Variants in UGT1A9 observed in about 807,000 individuals in gnomAD.
UGT1A9 encodes UDP-glucuronosyltransferase 1A9.
In UGT1A9, 35 loss-of-function variants were observed where a neutral mutation model predicts 45.0. That is an observed-to-expected ratio of 0.78 (90% CI 0.59 to 1.03). The LOEUF (loss-of-function observed/expected upper bound fraction) is 1.03, where lower values mean the gene tolerates loss of function less well. Ranked by LOEUF, UGT1A9 falls within the 50% of genes least tolerant of loss-of-function variation. UGT1A9 has a pLI of 0.00. For missense variants in UGT1A9, 687 were observed against 666.6 expected (o/e 1.03, Z -0.34); for synonymous variants, 278 against 250.6 (o/e 1.11, Z -1.03).
At position 233,694,026 on chromosome 2, in the gene UGT1A9, T is replaced by G. The variant is rs45617840; in HGVS notation, c.855+21237T>G. On this transcript the variant is annotated intron_variant, in intron 1 of 4. Transcript: ENST00000354728. ...GAGCAGCGGGAACACATAGGAGACC[T>G]GAGGCTGAAGTGATACAGAGGCATT... Among the ~76,000 whole-genome samples, 569 of 152,270 alleles carry G rather than the reference T, an allele frequency of 3.7e-3. 7 individuals carry two copies. Among genetic ancestry groups the G allele is most frequent in the African/African-American group, 0.013 (545 of 41,542 alleles).
chr2:233,767,204 A>G, intron 2 of UGT1A9, 39 bp downstream of exon 2: 1 of 1,613,356 alleles, frequency 6.2e-7, no homozygotes, highest in Non-Finnish European at 8.5e-7. Flanking sequence ...ATCTATTTTC[A>G]CAGGAGCGCT....
rs371652390 is a variant in UGT1A9 at position 233,672,650 on chromosome 2, T to A, written c.716T>A (p.Val239Asp). The A allele has an allele frequency of 7.4e-6, 12 of 1,613,830 alleles. 1 individual carries two copies. The highest frequency in any genetic ancestry group is 1.0e-5 in the Non-Finnish European group (12 of 1,179,846). ...GCCTCTGAAATTCTCCAAACACCTG[T>A]TACGGAGTATGATCTCTACAGCCAC... is the stretch of plus-strand genomic sequence containing the variant. ...EIASEILQTPVTEYDLYSHTS... is the reference protein window; with the variant it reads ...EIASEILQTPDTEYDLYSHTS... The change falls in exon 1 of 5, where the codon GTT becomes GAT. Residue 239 changes from valine (V) to aspartate (D), a missense_variant. Coordinates refer to ENST00000354728, the MANE Select transcript of UGT1A9 (RefSeq NM_021027.3).
chr2:233,704,256 C>CT (rs59925871), intron 1 of UGT1A9, among the ~76,000 whole-genome samples: 17,865 of 123,502 alleles, frequency 0.14, 1,649 homozygotes, highest in East Asian at 0.25. Flanking sequence ...GCCTTTATTG[C>CT]TTTTTTTTTT....
chr2:233,747,677 C>A, intron 1 of UGT1A9: 1 of 1,606,760 alleles, frequency 6.2e-7, no homozygotes, highest in East Asian at 2.2e-5. Flanking sequence ...ACCCAATTTA[C>A]CTCTGTGGGG....
At chr2:233,699,047 A>G (rs1251021035) in intron 1 of UGT1A9, among the ~76,000 whole-genome samples, 4 of 152,180 alleles carry the variant, frequency 2.6e-5, no homozygotes, top group Non-Finnish European at 1.5e-5. Context: ...ATGTCCTGAA[A>G]CAACTTATCC....
chr2:233,704,265 T>C (rs2075777085), intron 1 of UGT1A9, among the ~76,000 whole-genome samples: 1 of 151,460 alleles, frequency 6.6e-6, no homozygotes, highest in African/African-American at 2.4e-5. Flanking sequence ...GCTTTTTTTT[T>C]TTTTTTGCAT....
At chr2:233,729,071 A>G in intron 1 of UGT1A9, 1 of 1,611,650 alleles carries the variant, frequency 6.2e-7, no homozygotes, top group Non-Finnish European at 8.5e-7. Flanking sequence ...TGAAGAAAGC[A>G]AATGTAGCAG....
Position 233,682,599 on chromosome 2 carries a change from C to A in UGT1A9, c.855+9810C>A, listed in dbSNP as rs765399769. 3 of 1,613,876 alleles carry A rather than the reference C, an allele frequency of 1.9e-6. No individual in the cohort carries two copies. The highest frequency in any genetic ancestry group is 1.3e-5 in the African/African-American group (1 of 75,012). ...CACTTGGAGGAACATTTATTTTGCCCCTATTTTTTCAAAAATGTCTTAGAA... is the reference window on the plus strand; with the variant it reads ...CACTTGGAGGAACATTTATTTTGCCACTATTTTTTCAAAAATGTCTTAGAA... On this transcript the variant is annotated intron_variant, in intron 1 of 4. Transcript: ENST00000354728.
At chr2:233,686,885 T>C (rs2074810019) in intron 1 of UGT1A9, among the ~76,000 whole-genome samples, 1 of 152,196 alleles carries the variant, frequency 6.6e-6, no homozygotes, top group Non-Finnish European at 1.5e-5. Flanking sequence ...TTCTGCATGA[T>C]TCCTGCCCCA....
chr2:233,751,406 G>T (rs1694719923), intron 1 of UGT1A9, among the ~76,000 whole-genome samples: 1 of 152,120 alleles, frequency 6.6e-6, no homozygotes, highest in South Asian at 2.1e-4. Context: ...TTTGGACTAT[G>T]GACTTTTGAG....
At chr2:233,743,943 G>A in intron 1 of UGT1A9, 2 of 1,352,238 alleles carry the variant, frequency 1.5e-6, no homozygotes, top group Non-Finnish European at 9.9e-7. Flanking sequence ...GGCCCACCAG[G>A]CACTGGCACA....
intron 1 of UGT1A9, chr2:233,693,200 C>A (rs1287023283): frequency 6.2e-7 from 1 of 1,614,122 alleles, no homozygotes; most frequent in Admixed American, 1.7e-5. Context: ...AGTTAATTTG[C>A]TTTTGAAAGA....
intron 3 of UGT1A9, 36 bp downstream of exon 3, chr2:233,767,972 G>C (rs1383669551): frequency 1.9e-6 from 3 of 1,613,998 alleles, no homozygotes; most frequent in Non-Finnish European, 2.5e-6. Context: ...GGTCAAACCA[G>C]GGTCAAATTA....
intron 1 of UGT1A9, chr2:233,747,689 A>C (rs552388790): frequency 3.7e-6 from 6 of 1,609,664 alleles, no homozygotes; most frequent in Non-Finnish European, 5.1e-6. Flanking sequence ...TCTGTGGGGC[A>C]GTGCTGGCTA....
chr2:233,698,282 GA>G (rs528248105), intron 1 of UGT1A9, among the ~76,000 whole-genome samples: 32 of 152,044 alleles, frequency 2.1e-4, no homozygotes, highest in Admixed American at 1.5e-3. Context: ...TCAACACTAT[GA>G]AAAAAAATGT....
In UGT1A9 at chr2:233,773,103, T is replaced by A. The variant is rs1559421928; in HGVS notation, c.*544T>A. ...CTTGGAGTGCACTGAGAACAGCATATGATTTCTTGCTTTGGGGAAAAAGAA... is the reference window on the plus strand; with the variant it reads ...CTTGGAGTGCACTGAGAACAGCATAAGATTTCTTGCTTTGGGGAAAAAGAA... On this transcript the variant is annotated 3_prime_UTR_variant, in exon 5 of 5. Transcript: ENST00000354728. The A allele has an allele frequency of 6.4e-6, 1 of 156,320 alleles. No individual in the cohort carries two copies. Among genetic ancestry groups the A allele is most frequent in the Non-Finnish European group, 1.4e-5 (1 of 70,266 alleles). 9.7% of individuals were successfully genotyped at this position (156,320 alleles called of 1,614,324 possible).
At chr2:233,743,600 C>A in intron 1 of UGT1A9, 2 of 1,367,332 alleles carry the variant, frequency 1.5e-6, no homozygotes, top group Non-Finnish European at 2.0e-6. Flanking sequence ...TGGGTCCTGG[C>A]CGCCGAAGAA....
At position 233,672,519 on chromosome 2, in the gene UGT1A9, A is replaced by G; in HGVS notation, c.585A>G (p.Leu195=). ...APLSYVPRIL[L]GFSDAMTFKE... ...TTTCCTATGTCCCCAGAATTCTCTT[A>G]GGGTTCTCAGATGCCATGACTTTCA... The change falls in exon 1 of 5, where the codon TTA becomes TTG. Residue 195 remains leucine, a synonymous_variant. Transcript: ENST00000354728. The G allele has an allele frequency of 6.2e-7, 1 of 1,613,930 alleles. No individual in the cohort carries two copies. Among genetic ancestry groups the G allele is most frequent in the Non-Finnish European group, 8.5e-7 (1 of 1,179,840 alleles).
intron 1 of UGT1A9, chr2:233,717,670 G>A (rs541224829): frequency 2.4e-6 from 1 of 419,168 alleles, no homozygotes; most frequent in African/African-American, 2.0e-5. Context: ...CAGCAATCTT[G>A]CGAGCACATG....
Sources: allele counts gnomAD v4.1 joint callset (sites outside exome capture counted in the v4.1 genomes callset), GRCh38; gene constraint gnomAD v4.1.1; transcripts MANE v1.5; gene names NCBI Gene and HGNC (gene_info 2026-07-23, HGNC 2026-07-21).